ZC3H6: variants seen among roughly 807,000 people sequenced by gnomAD.
ZC3H6 encodes the protein zinc finger CCCH-type containing 6.
Under a neutral mutation model 107.7 loss-of-function variants are expected in ZC3H6, and 40 were observed. The observed-to-expected ratio is 0.37, with a 90% CI of 0.29 to 0.48. ZC3H6 has a LOEUF of 0.48. Among genes scored for constraint, ZC3H6 ranks in the 20% least tolerant of loss-of-function variants. The probability of loss-of-function intolerance (pLI) is 0.98; values close to 1 mark genes in which losing one functional copy is unlikely to be tolerated. For synonymous variants in ZC3H6, 493 were observed against 487.9 expected (o/e 1.01, Z -0.14); for missense variants, 1,267 against 1,410.4 (o/e 0.90, Z 1.63).
intron 7 of ZC3H6, 36 bp from the exon 8 acceptor site, chr2:112,321,720 A>T (rs780056992): frequency 1.9e-5 from 25 of 1,294,538 alleles, no homozygotes; most frequent in Middle Eastern, 2.2e-4. Context: ...TTAGACCTTG[A>T]TTTTACTTGG....
In ZC3H6 at chr2:112,338,855, G is replaced by GTATA. The variant is rs1157174486; in HGVS notation, c.*6422_*6425dup. On this transcript the variant is annotated 3_prime_UTR_variant, in exon 12 of 12. Transcript: ENST00000409871. ...TATATATATATGTATGTATATGTGT[G>GTATA]TATATATATATATATATATATATAT... is the stretch of plus-strand genomic sequence containing the variant. The GTATA allele has an allele frequency of 8.3e-4, 32 of 38,426 alleles. No homozygotes were observed. Among genetic ancestry groups the GTATA allele is most frequent in the Non-Finnish European group, 1.1e-3 (25 of 22,828 alleles). 2.4% of individuals were successfully genotyped at this position (38,426 alleles called of 1,614,324 possible).
At chr2:112,324,939 G>A in intron 10 of ZC3H6, 25 bp from the exon 11 acceptor site, 7 of 1,567,980 alleles carry the variant, frequency 4.5e-6, no homozygotes, top group Non-Finnish European at 6.1e-6. Context: ...CTCAATGACT[G>A]TCTCTCCCCA....
chr2:112,279,750 A>G (rs1188440154), intron 1 of ZC3H6, among the ~76,000 whole-genome samples: 1 of 152,206 alleles, frequency 6.6e-6, no homozygotes, highest in African/African-American at 2.4e-5. Context: ...TTTGATTCTC[A>G]CATTAATCCC....
intron 1 of ZC3H6, among the ~76,000 whole-genome samples, chr2:112,293,996 A>C (rs1475560055): frequency 6.6e-6 from 1 of 152,146 alleles, no homozygotes; most frequent in Non-Finnish European, 1.5e-5. Context: ...CATCCTAAGG[A>C]GTGGGCAAGG....
At chr2:112,314,199 T>G (rs1558953606) in intron 5 of ZC3H6, among the ~76,000 whole-genome samples, 3 of 151,616 alleles carry the variant, frequency 2.0e-5, no homozygotes. Flanking sequence ...ATTCTTGTAT[T>G]TTTTTTTATT....
chr2:112,304,106 A>T (rs985093140), intron 3 of ZC3H6, among the ~76,000 whole-genome samples: 1 of 152,208 alleles, frequency 6.6e-6, no homozygotes, highest in Non-Finnish European at 1.5e-5. Context: ...ATTTCTCTAC[A>T]TCCTTGCCAA....
rs773375517 is a variant in ZC3H6 at position 112,311,849 on chromosome 2, G to T, written c.659G>T (p.Gly220Val). ...VKSFNVGRGRGLPKKIKRKER... is the reference protein window; with the variant it reads ...VKSFNVGRGRVLPKKIKRKER... ...AGTTTTAATGTTGGTCGTGGACGTG[G>T]CTTGCCGAAGAAAATCAAACGAAAA... is the stretch of plus-strand genomic sequence containing the variant. Residue 220 changes from glycine to valine, a missense_variant, in exon 5 of 12, where the codon GGC becomes GTC. Physicochemically the swap from Gly to Val is moderately radical, Grantham distance 109 (BLOSUM62 -3). Around this residue, in one of 3 missense-constraint regions of ZC3H6, gnomAD observed 337 missense variants for 361.2 expected, o/e 0.93. Coordinates refer to ENST00000409871, the MANE Select transcript of ZC3H6 (RefSeq NM_198581.3). 6.2e-7 allele frequency: 1 copy of T among 1,613,436 alleles called. No individual in the cohort carries two copies. The highest frequency in any genetic ancestry group is 1.1e-5 in the South Asian group (1 of 90,982).
intron 11 of ZC3H6, among the ~76,000 whole-genome samples, chr2:112,325,468 C>CA (rs200796126): frequency 0.13 from 18,946 of 144,890 alleles, 1,322 homozygotes; most frequent in Non-Finnish European, 0.16. Context: ...GACTCAGTCT[C>CA]AAAAAAAAAA....
At chr2:112,282,319 T>C (rs1686543201) in intron 1 of ZC3H6, among the ~76,000 whole-genome samples, 1 of 152,224 alleles carries the variant, frequency 6.6e-6, no homozygotes, top group Non-Finnish European at 1.5e-5. Context: ...TGAAACACAG[T>C]GGCCCTGCTT....
rs760784436 is a variant in ZC3H6 at position 112,309,943 on chromosome 2, TTAAAAG to T, written c.400_405del (p.Ser134_Lys135del). On this transcript the variant is annotated inframe_deletion, in exon 4 of 12. Coordinates refer to ENST00000409871, the MANE Select transcript of ZC3H6 (RefSeq NM_198581.3). ...AAGAAGGGTCAACATAACAAAAAATTTAAAAGTAAAGAATATGATGAGTACAGCACC... is the reference window on the plus strand; with the variant it reads ...AAGAAGGGTCAACATAACAAAAAATTTAAAGAATATGATGAGTACAGCACC... The T allele has an allele frequency of 6.2e-7, 1 of 1,604,384 alleles. No homozygotes were observed.
At position 112,312,025 on chromosome 2, in the gene ZC3H6, T is replaced by C. The variant is rs1197500335; in HGVS notation, c.747+88T>C. On this transcript the variant is annotated intron_variant, in intron 5 of 11. Transcript: ENST00000409871. ...AAAGAAAGCATTGTGATTTTAATGA[T>C]ACTTCTCTAGTAAATGAAAAATTAC... 10 of 1,329,350 alleles carry C rather than the reference T, an allele frequency of 7.5e-6. No individual in the cohort carries two copies. In the Admixed American group the frequency reaches 1.9e-4, roughly 26 times the overall value. The allele number at this position is 1,329,350 out of a possible 1,614,324, so 82.3% of individuals were successfully genotyped here.
In ZC3H6 at chr2:112,275,977, C is replaced by T. The variant is rs1686408204; in HGVS notation, c.-18C>T. ...CTCGCAGACCTGCCCTCCAGCCCCG[C>T]CCCGTTCTTGACCAAACATGACAGA... is the stretch of plus-strand genomic sequence containing the variant. On this transcript the variant is annotated 5_prime_UTR_variant, in exon 1 of 12. Coordinates refer to ENST00000409871, the MANE Select transcript of ZC3H6 (RefSeq NM_198581.3). 5 of 1,534,236 alleles carry T rather than the reference C, an allele frequency of 3.3e-6. No homozygotes were observed. Among genetic ancestry groups the T allele is most frequent in the African/African-American group, 1.4e-5 (1 of 70,484 alleles).
rs550496582 is a variant in ZC3H6 at position 112,294,170 on chromosome 2, G to C, written c.33-5679G>C. 8.9e-3 allele frequency among the ~76,000 whole-genome samples: 1,359 copies of C among 152,302 alleles called. 28 individuals are homozygous for C. The highest frequency in any genetic ancestry group is 0.031 in the African/African-American group (1,268 of 41,560). On this transcript the variant is annotated intron_variant, in intron 1 of 11. Transcript: ENST00000409871. ...AAGGAACACAGAGCATTCTGCCAAAGCTTAGGTCAGCCTATCGTTGGGCTT... is the reference window on the plus strand; with the variant it reads ...AAGGAACACAGAGCATTCTGCCAAACCTTAGGTCAGCCTATCGTTGGGCTT...
At chr2:112,318,141 G>T (rs1341751691) in intron 7 of ZC3H6, among the ~76,000 whole-genome samples, 1 of 151,750 alleles carries the variant, frequency 6.6e-6, no homozygotes, top group African/African-American at 2.4e-5. Context: ...TTTAAAAAAT[G>T]TGAAAAAAAA....
In ZC3H6 at chr2:112,323,730, A is replaced by AT. The variant is rs1229969377; in HGVS notation, c.1341-421dup. Among the ~76,000 whole-genome samples, 3 of 152,330 alleles carry AT rather than the reference A, an allele frequency of 2.0e-5. No individual in the cohort carries two copies. In the East Asian group the frequency reaches 5.8e-4, roughly 29 times the overall value. ...ATTCAAAAACTGAATGTCTTTTTAT[A>AT]TGCCAGCAATAACCAATTACAAATT... On this transcript the variant is annotated intron_variant, in intron 9 of 11. Coordinates refer to ENST00000409871, the MANE Select transcript of ZC3H6 (RefSeq NM_198581.3).
rs1558961228 is a variant in ZC3H6 at position 112,338,891 on chromosome 2, AT to A, written c.*6404del. 5.4e-5 allele frequency: 1 copy of A among 18,586 alleles called. No homozygotes were observed. The highest frequency in any genetic ancestry group is 7.0e-4 in the African/African-American group (1 of 1,424). 1.2% of individuals were successfully genotyped at this position (18,586 alleles called of 1,614,324 possible). A position where few individuals can be genotyped will look rare whatever the true frequency, so the allele number is the denominator to read the frequency against. On this transcript the variant is annotated 3_prime_UTR_variant, in exon 12 of 12. Transcript: ENST00000409871. ...TATATATATATATATATATATATAT[AT>A]ATATATATATATATATATATAATTT...
At chr2:112,302,740 A>G (rs1415526570) in intron 2 of ZC3H6, among the ~76,000 whole-genome samples, 1 of 152,038 alleles carries the variant, frequency 6.6e-6, no homozygotes, top group East Asian at 1.9e-4. Context: ...CTTTTGTTCA[A>G]TTTTGTGGGC....
chr2:112,323,866 G>A (rs887179544), intron 9 of ZC3H6, among the ~76,000 whole-genome samples: 1 of 152,150 alleles, frequency 6.6e-6, no homozygotes, highest in East Asian at 1.9e-4. Flanking sequence ...TTATCTCTGG[G>A]TAGTGGGATT....
intron 5 of ZC3H6, among the ~76,000 whole-genome samples, chr2:112,314,232 A>G (rs1676649031): frequency 6.6e-6 from 1 of 152,080 alleles, no homozygotes; most frequent in Non-Finnish European, 1.5e-5. Flanking sequence ...TTGTAATGCA[A>G]AGAATATAGG....
Sources: allele counts gnomAD v4.1 joint callset (sites outside exome capture counted in the v4.1 genomes callset), GRCh38; gene constraint gnomAD v4.1.1; regional missense constraint gnomAD v4.1.1; transcripts MANE v1.5; gene names NCBI Gene and HGNC (gene_info 2026-07-23, HGNC 2026-07-21).